The following GRIP1 variants were observed in gnomAD, a reference collection of about 807,000 sequenced individuals.
GRIP1 encodes glutamate receptor interacting protein 1, also known as glutamate receptor-interacting protein 1.
Under a neutral mutation model 129.9 loss-of-function variants are expected in GRIP1, and 45 were observed. That is an observed-to-expected ratio of 0.35 (90% CI 0.27 to 0.44). The LOEUF is 0.44. Ranked by LOEUF, GRIP1 falls within the 20% of genes least tolerant of loss-of-function variation. The pLI is 1.00. For synonymous variants in GRIP1, 530 were observed against 520.8 expected (o/e 1.02, Z -0.24); for missense variants, 1,196 against 1,396.8 (o/e 0.86, Z 2.29).
At chr12:66,524,811 G>A (rs12578343) in intron 5 of GRIP1, among the ~76,000 whole-genome samples, 1,830 of 151,852 alleles carry the variant, frequency 0.012, 42 homozygotes, top group East Asian at 0.1. Context: ...ATAGAGAGAA[G>A]AATCAAATAG....
intron 1 of GRIP1, among the ~76,000 whole-genome samples, chr12:66,731,150 G>A (rs1230552959): frequency 6.6e-6 from 1 of 152,104 alleles, no homozygotes; most frequent in South Asian, 2.1e-4. Flanking sequence ...TTATTTTAAG[G>A]AGGATTACTG....
chr12:66,665,292 G>T (rs2033733777), intron 1 of GRIP1, among the ~76,000 whole-genome samples: 1 of 152,178 alleles, frequency 6.6e-6, no homozygotes, highest in Non-Finnish European at 1.5e-5. Flanking sequence ...ACAGGCGTGA[G>T]CTAACACAAC....
At chr12:66,625,267 C>T (rs79972036) in intron 1 of GRIP1, among the ~76,000 whole-genome samples, 4,772 of 152,194 alleles carry the variant, frequency 0.031, 262 homozygotes, top group African/African-American at 0.11. Flanking sequence ...ACATTATTGT[C>T]TTGCTTCCAT....
chr12:66,829,471 C>T (rs1302259320), intron 1 of GRIP1, among the ~76,000 whole-genome samples: 1 of 152,124 alleles, frequency 6.6e-6, no homozygotes, highest in Non-Finnish European at 1.5e-5. Flanking sequence ...TTATTTTAAG[C>T]CACCAAGCTT....
intron 7 of GRIP1, among the ~76,000 whole-genome samples, chr12:66,487,015 T>C (rs192343809): frequency 3.3e-5 from 5 of 152,190 alleles, no homozygotes; most frequent in Admixed American, 3.3e-4. Context: ...GGTCTCAAAC[T>C]CCAGACCTCA....
chr12:66,368,082 C>G (rs1173047824), intron 23 of GRIP1, among the ~76,000 whole-genome samples: 1 of 152,062 alleles, frequency 6.6e-6, no homozygotes, highest in African/African-American at 2.4e-5. Flanking sequence ...GGGGACCTTC[C>G]AAAGGTCTGG....
chr12:66,579,038 G>T (rs1018289361), intron 2 of GRIP1, among the ~76,000 whole-genome samples: 3 of 152,172 alleles, frequency 2.0e-5, no homozygotes, highest in African/African-American at 4.8e-5. Context: ...ACCTAACACA[G>T]CCGGGTACTC....
chr12:66,750,075 T>C (rs1338759227), intron 1 of GRIP1, among the ~76,000 whole-genome samples: 2 of 152,160 alleles, frequency 1.3e-5, no homozygotes, highest in Non-Finnish European at 2.9e-5. Flanking sequence ...ATGTCTACAG[T>C]GTACACCATA....
At position 67,043,376 on chromosome 12, in the gene GRIP1, C is replaced by T. The variant is rs1026398915; in HGVS notation, c.58+25674G>A. ...TTCCCAGTTTCATTAAAACTATAAC[C>T]GTTCAGCCCTCAAATATCATTTTTC... On this transcript the variant is annotated intron_variant, in intron 1 of 1. Transcript: ENST00000643019. Among the ~76,000 whole-genome samples, 21 of 152,240 alleles carry T rather than the reference C, an allele frequency of 1.4e-4. 1 individual carries two copies. The highest frequency in any genetic ancestry group is 2.6e-4 in the Non-Finnish European group (18 of 68,014).
intron 19 of GRIP1, among the ~76,000 whole-genome samples, chr12:66,380,261 C>G (rs2137390299): frequency 6.6e-6 from 1 of 152,140 alleles, no homozygotes; most frequent in African/African-American, 2.4e-5. Context: ...CTCCTAGTTG[C>G]CAATTCAAGG....
At chr12:66,584,409 AAAAAAAATAC>A (rs2063532406) in intron 2 of GRIP1, among the ~76,000 whole-genome samples, 1 of 141,758 alleles carries the variant, frequency 7.1e-6, no homozygotes, top group South Asian at 2.1e-4. Context: ...AAGTATAATA[AAAAAAAATAC>A]AAAATTAGCC....
chr12:66,657,944 C>T (rs2136178286), intron 1 of GRIP1, among the ~76,000 whole-genome samples: 1 of 152,260 alleles, frequency 6.6e-6, no homozygotes, highest in East Asian at 1.9e-4. Flanking sequence ...AATTTAGGTT[C>T]TTACAGAAAC....
intron 6 of GRIP1, among the ~76,000 whole-genome samples, chr12:66,516,275 A>G (rs1444579920): frequency 2.0e-5 from 3 of 152,076 alleles, no homozygotes; most frequent in Non-Finnish European, 2.9e-5. Flanking sequence ...AATTGATTCG[A>G]TCTCACATTC....
At chr12:66,487,337 A>G (rs1454055355) in intron 7 of GRIP1, among the ~76,000 whole-genome samples, 2 of 152,230 alleles carry the variant, frequency 1.3e-5, no homozygotes, top group South Asian at 2.1e-4. Context: ...ACATTCTTAA[A>G]GAAAATAATT....
At chr12:67,065,109 T>C (rs1392409104) in intron 1 of GRIP1, 2 of 151,998 alleles carry the variant, frequency 1.3e-5, no homozygotes, top group East Asian at 3.9e-4. Flanking sequence ...TGCATAGTAT[T>C]CTCATAGATA....
intron 9 of GRIP1, among the ~76,000 whole-genome samples, chr12:66,459,442 C>T (rs771873857): frequency 6.6e-5 from 10 of 152,104 alleles, no homozygotes; most frequent in Admixed American, 6.6e-5. Flanking sequence ...AGCCAGGGTA[C>T]GGTGAATGCA....
chr12:66,681,041 C>A (rs2034564088), upstream of GRIP1, among the ~76,000 whole-genome samples: 1 of 152,084 alleles, frequency 6.6e-6, no homozygotes, highest in Non-Finnish European at 1.5e-5. Context: ...TGTCCTATTT[C>A]TTTGGCAGGG....
chr12:66,818,060 G>A (rs12320619), intron 1 of GRIP1, among the ~76,000 whole-genome samples: 4,114 of 152,272 alleles, frequency 0.027, 184 homozygotes, highest in African/African-American at 0.095. Context: ...TTAAATATTA[G>A]TTATAATGTG....
chr12:66,686,936 C>T (rs1034323277), intron 1 of GRIP1, among the ~76,000 whole-genome samples: 26 of 152,208 alleles, frequency 1.7e-4, no homozygotes, highest in African/African-American at 5.8e-4. Flanking sequence ...ATGGCACACA[C>T]CTGTGGTCCC....
Sources: gnomAD v4.1 joint callset for allele counts (sites outside exome capture counted in the v4.1 genomes callset) on GRCh38, gnomAD v4.1.1 for gene constraint, MANE v1.5 for transcripts, NCBI Gene and HGNC (gene_info 2026-07-23, HGNC 2026-07-21) for gene names.